PSAP: variants seen among roughly 807,000 people sequenced by gnomAD.
PSAP encodes precursor of saposins.
A neutral mutation model predicts 66.0 loss-of-function variants in PSAP; 25 were observed. The ratio of observed to expected loss-of-function variants is 0.38; its 90% confidence interval spans 0.28 to 0.53. PSAP has a LOEUF of 0.53. Ranked by LOEUF, PSAP falls within the 20% of genes least tolerant of loss-of-function variation. The probability of loss-of-function intolerance (pLI) is 0.83; values close to 1 mark genes in which losing one functional copy is unlikely to be tolerated. For synonymous variants in PSAP, 273 were observed against 258.9 expected, an observed-to-expected ratio of 1.05 and a Z score of -0.52; for missense variants, 649 against 668.8, an observed-to-expected ratio of 0.97 and a Z score of 0.33.
At chr10:71,837,193 C>A (rs1033361591) in intron 1 of PSAP, among the ~76,000 whole-genome samples, 7 of 152,254 alleles carry the variant, frequency 4.6e-5, no homozygotes, top group Admixed American at 6.5e-5. Flanking sequence ...CTACCTCCAA[C>A]CACAAGCCAA....
chr10:71,824,037 A>C (rs924859677), intron 7 of PSAP: 12 of 578,598 alleles, frequency 2.1e-5, no homozygotes, highest in Middle Eastern at 6.4e-4. Flanking sequence ...ATGCTCTTGC[A>C]ATCAGATCTT....
rs143299981 is a variant in PSAP at position 71,820,440 on chromosome 10, A to G, written c.910-105T>C. ...CACAGAGACCAGGGTGGGTTAGCAC[A>G]TCAAGGGCCACTGCCTCCTGAATTC... On this transcript the variant is annotated intron_variant, in intron 8 of 13. Coordinates refer to ENST00000394936, the MANE Select transcript of PSAP (RefSeq NM_002778.4). 1.7e-3 allele frequency: 1,452 copies of G among 878,344 alleles called. 30 individuals are homozygous for G. The East Asian group carries it at 0.03, about 18-fold the overall frequency. 54.4% of individuals were successfully genotyped at this position (878,344 alleles called of 1,614,324 possible). A position where few individuals can be genotyped will look rare whatever the true frequency, so the allele number is the denominator to read the frequency against.
At chr10:71,838,523 A>G (rs1214064148) in intron 1 of PSAP, among the ~76,000 whole-genome samples, 1 of 152,238 alleles carries the variant, frequency 6.6e-6, no homozygotes, top group Non-Finnish European at 1.5e-5. Flanking sequence ...AGATCTCTGA[A>G]CAATGGGTGC....
chr10:71,851,161 G>A, intron 1 of PSAP, 21 bp downstream of exon 1: 1 of 1,550,812 alleles, frequency 6.4e-7, no homozygotes, highest in South Asian at 1.2e-5. Context: ...TCCTCCCCAG[G>A]ATGAGGGTCC....
rs1842182726 is a variant in PSAP at position 71,817,130 on chromosome 10, G to GA, written c.*310dup. 2 of 481,726 alleles carry GA rather than the reference G, an allele frequency of 4.2e-6. No individual in the cohort carries two copies. Among genetic ancestry groups the GA allele is most frequent in the Non-Finnish European group, 7.6e-6 (2 of 263,354 alleles). The allele number at this position is 481,726 out of a possible 1,614,324, so 29.8% of individuals were successfully genotyped here. On this transcript the variant is annotated 3_prime_UTR_variant, in exon 14 of 14. Coordinates refer to ENST00000394936, the MANE Select transcript of PSAP (RefSeq NM_002778.4). ...AAGAGGGTTGATGGCCTCCAGTCAA[G>GA]AAACTGTGGCTCATGCCAGCAGAGC...
intron 4 of PSAP, among the ~76,000 whole-genome samples, chr10:71,830,594 T>C (rs898204620): frequency 2.0e-5 from 3 of 152,248 alleles, no homozygotes; most frequent in Non-Finnish European, 4.4e-5. Context: ...CCTGCCCCAC[T>C]GGCCCTCTTC....
In PSAP at chr10:71,819,534, G is replaced by A. The variant is rs529776324; in HGVS notation, c.1281C>T (p.Ser427=). 2.1e-4 allele frequency: 338 copies of A among 1,614,242 alleles called. 4 individuals are homozygous for A. In the South Asian group the frequency reaches 3.1e-3, roughly 15 times the overall value. The change falls in exon 11 of 14, where the codon AGC becomes AGT. Residue 427 remains serine (S), a synonymous_variant. Coordinates refer to ENST00000394936, the MANE Select transcript of PSAP (RefSeq NM_002778.4). The part of the protein sequence containing the change: ...GYLDRNLEKN[S]TKQEILAALE... ...GAGCAGCCAGGATCTCCTGCTTGGT[G>A]CTGTTTTTCTCCAGGTTGCGATCCA...
At chr10:71,825,977 AAC>A (rs1218622321) in intron 6 of PSAP, 84 bp from the exon 7 acceptor site, 34 of 1,131,504 alleles carry the variant, frequency 3.0e-5, no homozygotes, top group South Asian at 2.0e-4. Context: ...CAGCATTTCC[AAC>A]AGTGTCAACT....
Position 71,828,020 on chromosome 10 carries a change from G to C in PSAP, c.714C>G (p.Ala238=), listed in dbSNP as rs141199649. 1.7e-4 allele frequency: 268 copies of C among 1,614,090 alleles called. 1 individual carries two copies. The African/African-American group carries it at 2.3e-3, about 14-fold the overall frequency. ...ACAAGGACACAAGGCTCACTATGTC[G>C]GCCATGCCAGGGCCCAGGCGGTCAC... is the stretch of plus-strand genomic sequence containing the variant. ...EECDRLGPGM[A]DICKNYISQY... The change falls in exon 6 of 14, where the codon GCC becomes GCG. Residue 238 remains alanine, a synonymous_variant. Coordinates refer to ENST00000394936, the MANE Select transcript of PSAP (RefSeq NM_002778.4).
intron 2 of PSAP, among the ~76,000 whole-genome samples, chr10:71,832,190 T>C (rs987293576): frequency 5.3e-5 from 8 of 152,082 alleles, no homozygotes; most frequent in Non-Finnish European, 8.8e-5. Flanking sequence ...CACAGGTCAA[T>C]TTCACATCAA....
chr10:71,831,939 G>A lies in PSAP; in HGVS notation c.175-19C>T. ...GGGATTTCTAAGAGAAAGAATACGA[G>A]AAATTTGTATTTGCAGGACACAAAT... On this transcript the variant is annotated intron_variant, in intron 2 of 13. Coordinates refer to ENST00000394936, the MANE Select transcript of PSAP (RefSeq NM_002778.4). 6.2e-7 allele frequency: 1 copy of A among 1,610,084 alleles called. No individual in the cohort carries two copies. Among genetic ancestry groups the A allele is most frequent in the Non-Finnish European group, 8.5e-7 (1 of 1,176,432 alleles).
intron 2 of PSAP, among the ~76,000 whole-genome samples, chr10:71,833,629 T>C (rs543343968): frequency 2.0e-5 from 3 of 152,320 alleles, no homozygotes; most frequent in Admixed American, 6.5e-5. Context: ...CCGTACCACA[T>C]GATGGCCGGC....
In PSAP at chr10:71,851,249, T is replaced by A. The variant is rs375720661; in HGVS notation, c.-28A>T. ...CGCCGTCTGACTCCGCAGTCTGCAA[T>A]GCGGAGCGTCAGCTGATCCCCCGCA... On this transcript the variant is annotated 5_prime_UTR_variant, in exon 1 of 14. Transcript: ENST00000394936. The A allele has an allele frequency of 1.1e-5, 17 of 1,550,362 alleles. No homozygotes were observed. The highest frequency in any genetic ancestry group is 2.4e-5 in the East Asian group (1 of 40,914).
chr10:71,825,917 TA>T lies in PSAP; in HGVS notation c.721-25del, dbSNP rs766110301. On this transcript the variant is annotated intron_variant, in intron 6 of 13. Coordinates refer to ENST00000394936, the MANE Select transcript of PSAP (RefSeq NM_002778.4). Reference sequence around the variant, plus strand: ...CACTGAGGAGAGAGAAACAGATTGCTAAACAAATCACTGCAACAATGCACCA... The same window carrying T: ...CACTGAGGAGAGAGAAACAGATTGCTAACAAATCACTGCAACAATGCACCA... 2.5e-6 allele frequency: 4 copies of T among 1,604,190 alleles called. No homozygotes were observed. In the South Asian group the frequency reaches 4.4e-5, roughly 18 times the overall value.
chr10:71,823,476 C>T (rs889361158), intron 7 of PSAP, among the ~76,000 whole-genome samples: 9 of 152,320 alleles, frequency 5.9e-5, no homozygotes, highest in South Asian at 2.1e-4. Context: ...TGCCTACTTG[C>T]GTTGTGACAG....
chr10:71,830,570 T>C (rs1842492510), intron 4 of PSAP, among the ~76,000 whole-genome samples: 1 of 152,248 alleles, frequency 6.6e-6, no homozygotes, highest in Admixed American at 6.5e-5. Flanking sequence ...ACCTTGGTCC[T>C]GTCTTGGGAA....
At position 71,817,341 on chromosome 10, in the gene PSAP, T is replaced by G. The variant is rs575739301; in HGVS notation, c.*100A>C. 11 of 1,337,930 alleles carry G rather than the reference T, an allele frequency of 8.2e-6. No homozygotes were observed. The South Asian group carries it at 1.3e-4, about 16-fold the overall frequency. 82.9% of individuals were successfully genotyped at this position (1,337,930 alleles called of 1,614,324 possible). Reference sequence around the variant, plus strand: ...TGGGGGAGGTGGGGGAGCCCTATTTTTATAACAAAGTCAAACAGATCTGTG... The same window carrying G: ...TGGGGGAGGTGGGGGAGCCCTATTTGTATAACAAAGTCAAACAGATCTGTG... On this transcript the variant is annotated 3_prime_UTR_variant, in exon 14 of 14. Coordinates refer to ENST00000394936, the MANE Select transcript of PSAP (RefSeq NM_002778.4).
chr10:71,838,411 G>C (rs932912792), intron 1 of PSAP, among the ~76,000 whole-genome samples: 1 of 135,900 alleles, frequency 7.4e-6, no homozygotes, highest in Non-Finnish European at 1.6e-5. Context: ...TGAGTGACGG[G>C]AGAAGGAATG....
At chr10:71,830,647 C>T (rs1842493484) in intron 4 of PSAP, among the ~76,000 whole-genome samples, 1 of 152,204 alleles carries the variant, frequency 6.6e-6, no homozygotes, top group South Asian at 2.1e-4. Context: ...TTTCCAAATT[C>T]CACAAAGCTA....
Sources: gnomAD v4.1 joint callset for allele counts (sites outside exome capture counted in the v4.1 genomes callset) on GRCh38, gnomAD v4.1.1 for gene constraint, MANE v1.5 for transcripts, NCBI Gene and HGNC (gene_info 2026-07-23, HGNC 2026-07-21) for gene names.